Variants in SPEN observed in about 807,000 individuals in gnomAD.
SPEN encodes spen family transcriptional repressor.
Under a neutral mutation model 269.9 loss-of-function variants are expected in SPEN, and 18 were observed. That is an observed-to-expected ratio of 0.07 (90% CI 0.05 to 0.10). The LOEUF is 0.10. SPEN is among the 10% of genes least tolerant of loss of function. The pLI, the probability that SPEN is intolerant of heterozygous loss-of-function variation, is 1.00. For missense variants in SPEN, 3,822 were observed against 4,631.2 expected (o/e 0.83, Z 5.07); for synonymous variants, 1,726 against 1,765.7 (o/e 0.98, Z 0.56).
At chr1:15,876,735 A>C (rs1017293362) in intron 3 of SPEN, 57 bp downstream of exon 3, 9 of 1,224,236 alleles carry the variant, frequency 7.4e-6, no homozygotes, top group African/African-American at 6.0e-5. Context: ...AATTCTCAAC[A>C]ATCAGTGGGA....
chr1:15,910,123 C>CT (rs766016432), intron 4 of SPEN, among the ~76,000 whole-genome samples: 14 of 68,170 alleles, frequency 2.1e-4, no homozygotes, highest in Admixed American at 7.1e-4. Flanking sequence ...GACTCTGTCT[C>CT]TAAAAAAAAA....
At position 15,931,181 on chromosome 1, in the gene SPEN, A is replaced by G. The variant is rs773205157; in HGVS notation, c.4941A>G (p.Leu1647=). The G allele has an allele frequency of 5.0e-6, 8 of 1,614,224 alleles. No individual in the cohort carries two copies. In the East Asian group the frequency reaches 1.8e-4, roughly 36 times the overall value. ...VGPPSVTVVT[L]ESAPSALEKT... ...CTCCAAGTGTCACAGTCGTAACTCT[A>G]GAATCAGCCCCATCAGCACTAGAGA... is the stretch of plus-strand genomic sequence containing the variant. The change falls in exon 11 of 15, where the codon CTA becomes CTG. Residue 1647 remains leucine (L), a synonymous_variant. Transcript: ENST00000375759. This position sits in a 1 kb window ranked among gnomAD's most constrained non-coding sequence, Gnocchi z 4.8.
intron 3 of SPEN, among the ~76,000 whole-genome samples, chr1:15,892,134 C>T (rs948515434): frequency 6.6e-6 from 1 of 150,980 alleles, no homozygotes; most frequent in African/African-American, 2.4e-5. Context: ...CATTCTCCTG[C>T]CTCAGCCTCC....
In SPEN at chr1:15,918,916, G is replaced by A; in HGVS notation, c.1396-10G>A. 6.2e-7 allele frequency: 1 copy of A among 1,602,906 alleles called. No individual in the cohort carries two copies. Among genetic ancestry groups the A allele is most frequent in the Admixed American group, 1.7e-5 (1 of 59,202 alleles). ...GCATATTGCTAAGTTGTATTCATTG[G>A]TTTTTTCAGGATATTGACATTAAGA... is the stretch of plus-strand genomic sequence containing the variant. On this transcript the variant is annotated splice_polypyrimidine_tract_variant and intron_variant, in intron 6 of 14. Transcript: ENST00000375759.
intron 2 of SPEN, chr1:15,874,169 T>C: frequency 7.3e-7 from 1 of 1,366,418 alleles, no homozygotes; most frequent in South Asian, 1.1e-5. Context: ...AGTCTGGGGG[T>C]TTGAGAGTTA....
rs771512706 is a variant in SPEN at position 15,931,670 on chromosome 1, A to C, written c.5430A>C (p.Pro1810=). Residue 1810 remains proline, a synonymous_variant, in exon 11 of 15, where the codon CCA becomes CCC. Transcript: ENST00000375759. This position sits in a 1 kb window ranked among gnomAD's most constrained non-coding sequence, Gnocchi z 4.8. ...PASEDLEVDP[P]VAAKDKKPNK... ...CTGAAGATTTAGAGGTTGATCCTCC[A>C]GTTGCTGCAAAGGATAAAAAGCCAA... 2 of 1,614,106 alleles carry C rather than the reference A, an allele frequency of 1.2e-6. No homozygotes were observed. The highest frequency in any genetic ancestry group is 1.7e-6 in the Non-Finnish European group (2 of 1,180,050).
chr1:15,886,538 G>A (rs1035409271), intron 3 of SPEN, among the ~76,000 whole-genome samples: 4 of 152,300 alleles, frequency 2.6e-5, no homozygotes, highest in Non-Finnish European at 5.9e-5. Context: ...GGGGCAGGAC[G>A]GCTGTGCCTT....
rs776556903 is a variant in SPEN, at chr1:15,876,412, T to C, written c.615T>C (p.Ala205=). 6.2e-7 allele frequency: 1 copy of C among 1,614,076 alleles called. No individual in the cohort carries two copies. Among genetic ancestry groups the C allele is most frequent in the East Asian group, 2.2e-5 (1 of 44,874 alleles). The change falls in exon 3 of 15, where the codon GCT becomes GCC. Residue 205 remains alanine (A), a synonymous_variant. Coordinates refer to ENST00000375759, the MANE Select transcript of SPEN (RefSeq NM_015001.3). ...DAHDPRYEPR[A]REQFTLPSVV... ...ATGACCCCCGATATGAACCTAGGGCTCGCGAGCAGTTTACACTGCCCAGTG... is the reference window on the plus strand; with the variant it reads ...ATGACCCCCGATATGAACCTAGGGCCCGCGAGCAGTTTACACTGCCCAGTG...
Position 15,909,614 on chromosome 1 carries a change from TGAGGAAAGC to T in SPEN, c.1042+134_1042+142del, listed in dbSNP as rs529509486. Reference sequence around the variant, plus strand: ...CATTTCGAAATATTAACGTTTTAAATGAGGAAAGCCATGAATAATGGAAAAGTCTGCTTA... The same window carrying T: ...CATTTCGAAATATTAACGTTTTAAATCATGAATAATGGAAAAGTCTGCTTA... On this transcript the variant is annotated intron_variant, in intron 4 of 14. Coordinates refer to ENST00000375759, the MANE Select transcript of SPEN (RefSeq NM_015001.3). 5.4e-4 allele frequency: 513 copies of T among 958,638 alleles called. 3 individuals are homozygous for T. In the South Asian group the frequency reaches 8.2e-3, roughly 15 times the overall value. The allele number at this position is 958,638 out of a possible 1,614,324, so 59.4% of individuals were successfully genotyped here. A position where few individuals can be genotyped will look rare whatever the true frequency, so the allele number is the denominator to read the frequency against.
chr1:15,852,926 G>A (rs922519078), intron 1 of SPEN, among the ~76,000 whole-genome samples: 5 of 152,086 alleles, frequency 3.3e-5, no homozygotes, highest in South Asian at 2.1e-4. Flanking sequence ...GATGGATCAC[G>A]GCTCAATGCA....
At chr1:15,872,517 G>A (rs2070590215) in intron 1 of SPEN, among the ~76,000 whole-genome samples, 2 of 151,134 alleles carry the variant, frequency 1.3e-5, no homozygotes, top group East Asian at 2.0e-4. Context: ...GGAGAATGGC[G>A]TGAACCCCAG....
At position 15,895,321 on chromosome 1, in the gene SPEN, A is replaced by T. The variant is rs140668316; in HGVS notation, c.882-14000A>T. On this transcript the variant is annotated intron_variant, in intron 3 of 14. Coordinates refer to ENST00000375759, the MANE Select transcript of SPEN (RefSeq NM_015001.3). ...CCATTATCATTAAACAATAACTCCCATTCCTCCCTCTCTTAGCCTCTGCTG... is the reference window on the plus strand; with the variant it reads ...CCATTATCATTAAACAATAACTCCCTTTCCTCCCTCTCTTAGCCTCTGCTG... Among the ~76,000 whole-genome samples, 595 of 152,068 alleles carry T rather than the reference A, an allele frequency of 3.9e-3. 2 individuals are homozygous for T. The highest frequency in any genetic ancestry group is 0.013 in the African/African-American group (537 of 41,508).
At chr1:15,889,170 T>C (rs7536298) in intron 3 of SPEN, among the ~76,000 whole-genome samples, 407 of 150,684 alleles carry the variant, frequency 2.7e-3, no homozygotes, top group Non-Finnish European at 4.4e-3. Flanking sequence ...TTTTCTTTTT[T>C]TTTTTTTTTT....
intron 3 of SPEN, among the ~76,000 whole-genome samples, chr1:15,890,880 T>A (rs2070781702): frequency 6.6e-6 from 1 of 152,200 alleles, no homozygotes; most frequent in Non-Finnish European, 1.5e-5. Context: ...CGGTCTTTTG[T>A]GACTGGTTTC....
At position 15,937,874 on chromosome 1, in the gene SPEN, C is replaced by T. The variant is rs1175992916; in HGVS notation, c.10572C>T (p.Leu3524=). Residue 3524 remains leucine (L), a synonymous_variant, in exon 13 of 15, where the codon CTC becomes CTT. Transcript: ENST00000375759. The surrounding 1 kb of genome is among the most constrained non-coding windows in gnomAD (Gnocchi z 5.7). ...ALKNDTAAVQ[L]HFVSGNNVLA... is the part of the protein sequence containing the mutation. The stretch of plus-strand genomic sequence containing the variant: ...AGAATGACACAGCTGCTGTGCAGCT[C>T]CACTTCGTCTCTGGCAACAACGTCC... 6.2e-7 allele frequency: 1 copy of T among 1,614,068 alleles called. No homozygotes were observed. The highest frequency in any genetic ancestry group is 1.3e-5 in the African/African-American group (1 of 74,932).
rs199982380 is a variant in SPEN at position 15,935,517 on chromosome 1, C to G, written c.9277C>G (p.Leu3093Val). The change falls in exon 11 of 15, where the codon CTC (leucine) becomes GTC (valine). Residue 3093 changes from leucine to valine, a missense_variant. Physicochemically the swap from Leu to Val is conservative, Grantham distance 32. Transcript: ENST00000375759. This position sits in a 1 kb window ranked among gnomAD's most constrained non-coding sequence, Gnocchi z 7.7. ...SITQTVSLSH[L>V]SQGEVRMNTP... ...CACCCAGACTGTGTCCCTGAGCCAC[C>G]TCTCCCAGGGCGAGGTGAGAATGAA... 177 of 1,614,018 alleles carry G rather than the reference C, an allele frequency of 1.1e-4. No homozygotes were observed. The highest frequency in any genetic ancestry group is 1.4e-4 in the Non-Finnish European group (166 of 1,180,032).
chr1:15,895,339 C>G (rs1335558484), intron 3 of SPEN, among the ~76,000 whole-genome samples: 1 of 152,174 alleles, frequency 6.6e-6, no homozygotes, highest in Non-Finnish European at 1.5e-5. Flanking sequence ...CTCTCTTAGC[C>G]TCTGCTGACT....
intron 10 of SPEN, among the ~76,000 whole-genome samples, chr1:15,922,595 AGAG>A (rs1262366085): frequency 1.1e-4 from 17 of 152,250 alleles, no homozygotes; most frequent in Middle Eastern, 3.4e-3. Context: ...AGAACTTGAA[AGAG>A]TTACTGTTTT....
At chr1:15,906,557 C>G (rs113225775) in intron 3 of SPEN, among the ~76,000 whole-genome samples, 2 of 137,798 alleles carry the variant, frequency 1.5e-5, no homozygotes, top group Admixed American at 7.9e-5. Context: ...CTCCCTGGTT[C>G]AAGTGATTCT....
Sources: gnomAD v4.1 joint callset for allele counts (sites outside exome capture counted in the v4.1 genomes callset) on GRCh38, gnomAD v4.1.1 for gene constraint, Gnocchi (gnomAD v3.1) non-coding constraint, MANE v1.5 for transcripts, NCBI Gene and HGNC (gene_info 2026-07-23, HGNC 2026-07-21) for gene names.